Variants in ATP8B4 observed in about 807,000 individuals in gnomAD.
The protein encoded by ATP8B4 is ATPase phospholipid transporting 8B4 (putative).
Under a neutral mutation model 145.6 loss-of-function variants are expected in ATP8B4, and 133 were observed. The observed-to-expected ratio is 0.91, with a 90% CI of 0.79 to 1.05. The LOEUF is 1.05. Among genes scored for constraint, ATP8B4 ranks in the 50% least tolerant of loss-of-function variants. ATP8B4 has a pLI of 0.00. For missense variants in ATP8B4, 1,458 were observed against 1,425.2 expected, an observed-to-expected ratio of 1.02 and a Z score of -0.37; for synonymous variants, 507 against 492.9, an observed-to-expected ratio of 1.03 and a Z score of -0.38.
chr15:50,149,714 G>A (rs541908052), intron 1 of ATP8B4, among the ~76,000 whole-genome samples: 76 of 152,324 alleles, frequency 5.0e-4, no homozygotes, highest in African/African-American at 1.8e-3. Context: ...TTGGGAATAA[G>A]GCATTGCAGT....
At chr15:50,158,176 C>T (rs1279141045) in intron 1 of ATP8B4, among the ~76,000 whole-genome samples, 1 of 152,200 alleles carries the variant, frequency 6.6e-6, no homozygotes, top group Non-Finnish European at 1.5e-5. Flanking sequence ...CCAGCCGCCA[C>T]CCCGTCTGGG....
At chr15:50,057,456 T>G (rs2052693250) in intron 3 of ATP8B4, among the ~76,000 whole-genome samples, 1 of 152,222 alleles carries the variant, frequency 6.6e-6, no homozygotes, top group Non-Finnish European at 1.5e-5. Flanking sequence ...GACTGCCTTT[T>G]GGTTAATGGA....
At chr15:49,917,732 A>G (rs1311072264) in intron 19 of ATP8B4, among the ~76,000 whole-genome samples, 1 of 152,196 alleles carries the variant, frequency 6.6e-6, no homozygotes, top group Non-Finnish European at 1.5e-5. Context: ...ATTGTCTCTA[A>G]CTGTATAGAA....
chr15:50,108,391 C>G (rs1275291191), intron 1 of ATP8B4, among the ~76,000 whole-genome samples: 1 of 152,254 alleles, frequency 6.6e-6, no homozygotes, highest in East Asian at 1.9e-4. Flanking sequence ...GCTAAAAACC[C>G]TGCAAACACC....
At chr15:50,071,851 G>T (rs889494995) in intron 3 of ATP8B4, among the ~76,000 whole-genome samples, 2 of 152,120 alleles carry the variant, frequency 1.3e-5, no homozygotes, top group Non-Finnish European at 2.9e-5. Flanking sequence ...CAAGACTGAT[G>T]AATAAAATCA....
chr15:50,173,117 G>A (rs2044710749), intron 1 of ATP8B4, among the ~76,000 whole-genome samples: 1 of 150,746 alleles, frequency 6.6e-6, no homozygotes, highest in South Asian at 2.1e-4. Context: ...TCTGGGAGGT[G>A]GGGGGCGCCT....
intron 22 of ATP8B4, among the ~76,000 whole-genome samples, chr15:49,897,788 G>T (rs1381708022): frequency 1.3e-5 from 2 of 152,182 alleles, no homozygotes. Context: ...TGTGGGTCTG[G>T]TGTTCTTTCC....
intron 2 of ATP8B4, among the ~76,000 whole-genome samples, chr15:50,085,547 C>T (rs2054845913): frequency 6.6e-6 from 1 of 151,976 alleles, no homozygotes; most frequent in African/African-American, 2.4e-5. Context: ...CACATGGCAA[C>T]ATGATCACAT....
intron 2 of ATP8B4, among the ~76,000 whole-genome samples, chr15:50,087,256 G>T (rs1354814298): frequency 3.9e-5 from 5 of 129,350 alleles, no homozygotes; most frequent in African/African-American, 5.9e-5. Context: ...ATAATATATA[G>T]ATCTATATGT....
At chr15:50,129,750 C>A (rs773312346) in intron 1 of ATP8B4, among the ~76,000 whole-genome samples, 4 of 151,982 alleles carry the variant, frequency 2.6e-5, no homozygotes, top group Non-Finnish European at 4.4e-5. Flanking sequence ...GAGATCGAGA[C>A]CATCCTTGGC....
At chr15:50,154,701 G>T (rs1467531679) in intron 1 of ATP8B4, among the ~76,000 whole-genome samples, 4 of 151,504 alleles carry the variant, frequency 2.6e-5, no homozygotes, top group Non-Finnish European at 4.4e-5. Context: ...TTGAGACAGG[G>T]TCTCACTCTG....
intron 2 of ATP8B4, among the ~76,000 whole-genome samples, chr15:50,079,294 C>T (rs535391175): frequency 4.1e-4 from 62 of 152,068 alleles, no homozygotes; most frequent in African/African-American, 1.4e-3. Context: ...GTTTAAAGTA[C>T]AGTAGGGTGG....
At chr15:50,114,275 T>C (rs1411660190) in intron 1 of ATP8B4, among the ~76,000 whole-genome samples, 1 of 151,950 alleles carries the variant, frequency 6.6e-6, no homozygotes, top group Non-Finnish European at 1.5e-5. Flanking sequence ...TCCTACCCTT[T>C]CCCCCTGAGT....
intron 2 of ATP8B4, among the ~76,000 whole-genome samples, chr15:50,086,410 TAAAA>T (rs1182858146): frequency 0.048 from 1,439 of 30,272 alleles, 537 homozygotes; most frequent in African/African-American, 0.18. Context: ...TTATATATAA[TAAAA>T]TAATATAGAG....
At chr15:49,971,409 TAAAC>T in intron 13 of ATP8B4, among the ~76,000 whole-genome samples, 1 of 152,068 alleles carries the variant, frequency 6.6e-6, no homozygotes. Context: ...ACAAAGAACT[TAAAC>T]AAATTTACAA....
rs948153338 is a variant in ATP8B4, at chr15:50,047,429, G to A, written c.123C>T (p.Leu41=). 1.9e-6 allele frequency: 3 copies of A among 1,595,748 alleles called. No individual in the cohort carries two copies. In the African/African-American group the frequency reaches 4.0e-5, roughly 21 times the overall value. The part of the protein sequence containing the change: ...NRIHTSKYNI[L]TFLPINLFEQ... The stretch of plus-strand genomic sequence containing the variant: ...CAAATAAATTAATTGGCAAGAAGGT[G>A]AGAATATTATATTTCGATGTGTGGA... The change falls in exon 4 of 28, where the codon CTC becomes CTT. Residue 41 remains leucine (L), a synonymous_variant. Coordinates refer to ENST00000284509, the MANE Select transcript of ATP8B4 (RefSeq NM_024837.4).
Position 50,052,528 on chromosome 15 carries a change from A to C in ATP8B4, c.88-5064T>G, listed in dbSNP as rs180778741. On this transcript the variant is annotated intron_variant, in intron 3 of 27. Coordinates refer to ENST00000284509, the MANE Select transcript of ATP8B4 (RefSeq NM_024837.4). ...TGTTCCCTGTGGAAAATGTGCTTCC[A>C]AGAGGGAGAAGGGCAAAGATGAGCT... Among the ~76,000 whole-genome samples the C allele has an allele frequency of 1.7e-3, 262 of 152,360 alleles. 2 individuals are homozygous for C. Among genetic ancestry groups the C allele is most frequent in the African/African-American group, 5.9e-3 (245 of 41,592 alleles).
intron 16 of ATP8B4, among the ~76,000 whole-genome samples, chr15:49,926,001 C>T (rs2040685669): frequency 6.6e-6 from 1 of 152,068 alleles, no homozygotes; most frequent in Non-Finnish European, 1.5e-5. Context: ...CAATGCTTTC[C>T]ATTTAAATAT....
At chr15:50,134,615 G>A (rs957170375) in intron 1 of ATP8B4, among the ~76,000 whole-genome samples, 3 of 152,142 alleles carry the variant, frequency 2.0e-5, no homozygotes, top group African/African-American at 7.2e-5. Context: ...ATATGTTAGG[G>A]TTAGATTATG....
Sources: gnomAD v4.1 joint callset for allele counts (sites outside exome capture counted in the v4.1 genomes callset) on GRCh38, gnomAD v4.1.1 for gene constraint, MANE v1.5 for transcripts, NCBI Gene and HGNC (gene_info 2026-07-23, HGNC 2026-07-21) for gene names.